BFSP2: variants seen among roughly 807,000 people sequenced by gnomAD.
The protein encoded by BFSP2 is phakinin.
In BFSP2, 38 loss-of-function variants were observed where a neutral mutation model predicts 44.9. The observed-to-expected ratio is 0.85, with a 90% CI of 0.65 to 1.11. The LOEUF (loss-of-function observed/expected upper bound fraction) is 1.11, where lower values mean the gene tolerates loss of function less well. BFSP2 is among the 50% of genes least tolerant of loss of function. BFSP2 has a pLI of 0.00. For synonymous variants in BFSP2, 197 were observed against 209.9 expected (o/e 0.94, Z 0.53); for missense variants, 525 against 533.0 (o/e 0.99, Z 0.15).
At chr3:133,438,921 A>G (rs2073817987) in intron 1 of BFSP2, among the ~76,000 whole-genome samples, 3 of 152,166 alleles carry the variant, frequency 2.0e-5, no homozygotes, top group African/African-American at 7.2e-5. Context: ...GAAATTTCCC[A>G]TAGTTAAAAG....
At chr3:133,408,924 A>C (rs1156953262) in intron 1 of BFSP2, among the ~76,000 whole-genome samples, 1 of 152,252 alleles carries the variant, frequency 6.6e-6, no homozygotes, top group Non-Finnish European at 1.5e-5. Flanking sequence ...GAGTTCTTCT[A>C]ATTTATCTTG....
intron 1 of BFSP2, among the ~76,000 whole-genome samples, chr3:133,442,645 T>A (rs2073856498): frequency 1.3e-5 from 2 of 152,132 alleles, no homozygotes; most frequent in Admixed American, 1.3e-4. Context: ...ACTAGGGTGA[T>A]GTCAAGAGAG....
intron 1 of BFSP2, among the ~76,000 whole-genome samples, chr3:133,433,527 C>T (rs913472505): frequency 6.6e-6 from 1 of 152,158 alleles, no homozygotes; most frequent in Non-Finnish European, 1.5e-5. Flanking sequence ...CTCAAAGCCC[C>T]GAGTCAGATA....
chr3:133,415,480 C>T (rs2073513817), intron 1 of BFSP2, among the ~76,000 whole-genome samples: 1 of 134,662 alleles, frequency 7.4e-6, no homozygotes, highest in South Asian at 2.5e-4. Flanking sequence ...CTCTACTCAC[C>T]CCTATAGTCA....
chr3:133,472,464 G>A lies in BFSP2; in HGVS notation c.1143G>A (p.Ala381=). The A allele has an allele frequency of 1.2e-6, 2 of 1,614,008 alleles. No homozygotes were observed. Among genetic ancestry groups the A allele is most frequent in the Non-Finnish European group, 8.5e-7 (1 of 1,180,030 alleles). Reference sequence around the variant, plus strand: ...AGCTCAGGGAAATCCGAGCGGAGGCGGAGCAGCAGCAACAGGAGCGCGCGC... The same window carrying A: ...AGCTCAGGGAAATCCGAGCGGAGGCAGAGCAGCAGCAACAGGAGCGCGCGC... ...EAELREIRAE[A]EQQQQERAHL... is the part of the protein sequence containing the mutation. The change falls in exon 6 of 7, where the codon GCG becomes GCA. Residue 381 remains alanine, a synonymous_variant. Coordinates refer to ENST00000302334, the MANE Select transcript of BFSP2 (RefSeq NM_003571.4).
At chr3:133,432,755 A>G (rs1324511616) in intron 1 of BFSP2, among the ~76,000 whole-genome samples, 1 of 152,112 alleles carries the variant, frequency 6.6e-6, no homozygotes, top group Non-Finnish European at 1.5e-5. Flanking sequence ...CTCCCTGCCG[A>G]TCGTGTCCGA....
intron 1 of BFSP2, among the ~76,000 whole-genome samples, chr3:133,414,234 GTACTCACCCCTGTCCTGTCCCCCC>G (rs2073484921): frequency 3.1e-5 from 1 of 32,102 alleles, no homozygotes; most frequent in African/African-American, 1.5e-4. Flanking sequence ...ACAAAACCCA[GTACTCACCCCTGTCCTGTCCCCCC>G]TACTCACCCC....
chr3:133,419,826 T>A (rs1254029249), intron 1 of BFSP2, among the ~76,000 whole-genome samples: 1 of 152,228 alleles, frequency 6.6e-6, no homozygotes, highest in African/African-American at 2.4e-5. Flanking sequence ...CAGAAAAATG[T>A]GCTGAGCAGT....
At chr3:133,428,801 C>A (rs2073679103) in intron 1 of BFSP2, among the ~76,000 whole-genome samples, 1 of 152,218 alleles carries the variant, frequency 6.6e-6, no homozygotes, top group South Asian at 2.1e-4. Flanking sequence ...CACTTCCATA[C>A]CGCCTGCCCT....
intron 1 of BFSP2, among the ~76,000 whole-genome samples, chr3:133,428,139 G>A (rs1438927054): frequency 2.0e-5 from 3 of 152,216 alleles, no homozygotes; most frequent in African/African-American, 7.2e-5. Flanking sequence ...AGGTTTTCCA[G>A]GAGGAAAAGC....
intron 1 of BFSP2, among the ~76,000 whole-genome samples, chr3:133,439,102 A>T (rs2107914085): frequency 6.6e-6 from 1 of 152,312 alleles, no homozygotes; most frequent in East Asian, 1.9e-4. Flanking sequence ...CTTACTTCAG[A>T]TGTAGGGATG....
intron 1 of BFSP2, among the ~76,000 whole-genome samples, chr3:133,424,050 TGCGGG>T (rs2073618958): frequency 1.4e-5 from 2 of 146,116 alleles, no homozygotes; most frequent in African/African-American, 5.1e-5. Context: ...TTTTTTTTTT[TGCGGG>T]GGCGGGGGCG....
chr3:133,447,298 G>A lies in BFSP2; in HGVS notation c.490-19G>A. ...GCTCCCAGTGACCTTGTCTCCTTTG[G>A]TGTGTGTGATCGCTCTAGGTGGGTG... On this transcript the variant is annotated intron_variant, in intron 1 of 6. Coordinates refer to ENST00000302334, the MANE Select transcript of BFSP2 (RefSeq NM_003571.4). 3 of 1,613,570 alleles carry A rather than the reference G, an allele frequency of 1.9e-6. No homozygotes were observed. The highest frequency in any genetic ancestry group is 2.5e-6 in the Non-Finnish European group (3 of 1,179,778).
chr3:133,442,193 G>A (rs2073852062), intron 1 of BFSP2, among the ~76,000 whole-genome samples: 1 of 152,208 alleles, frequency 6.6e-6, no homozygotes, highest in Non-Finnish European at 1.5e-5. Context: ...AGGCTGGAGT[G>A]CAGTGGTGCA....
chr3:133,471,743 G>A (rs1223742357), intron 5 of BFSP2, among the ~76,000 whole-genome samples: 2 of 152,058 alleles, frequency 1.3e-5, no homozygotes, highest in Non-Finnish European at 2.9e-5. Flanking sequence ...CAAAGTGAAG[G>A]GACGGCAGAG....
At chr3:133,427,031 G>T (rs2073660763) in intron 1 of BFSP2, among the ~76,000 whole-genome samples, 1 of 152,178 alleles carries the variant, frequency 6.6e-6, no homozygotes, top group African/African-American at 2.4e-5. Flanking sequence ...TATGATGCTG[G>T]TGATTCAAGT....
chr3:133,416,924 GT>G (rs2073539368), intron 1 of BFSP2, among the ~76,000 whole-genome samples: 1 of 36,212 alleles, frequency 2.8e-5, no homozygotes, highest in African/African-American at 1.1e-4. Context: ...CTACTCACCC[GT>G]CCTCTGCCCT....
chr3:133,418,765 G>T (rs895891153), intron 1 of BFSP2, among the ~76,000 whole-genome samples: 1 of 151,914 alleles, frequency 6.6e-6, no homozygotes, highest in Non-Finnish European at 1.5e-5. Context: ...ATTTACTTCC[G>T]TAAGACTCAT....
chr3:133,438,783 C>T (rs899493302), intron 1 of BFSP2, among the ~76,000 whole-genome samples: 5 of 152,106 alleles, frequency 3.3e-5, no homozygotes, highest in African/African-American at 1.2e-4. Flanking sequence ...AATAGCCTCC[C>T]AGATGGGGTG....
Sources: gnomAD v4.1 joint callset for allele counts (sites outside exome capture counted in the v4.1 genomes callset) on GRCh38, gnomAD v4.1.1 for gene constraint, MANE v1.5 for transcripts, NCBI Gene and HGNC (gene_info 2026-07-23, HGNC 2026-07-21) for gene names.